The following ROBO2 variants were observed in gnomAD, a reference collection of about 807,000 sequenced individuals.
ROBO2 encodes the protein roundabout guidance receptor 2, also known as roundabout homolog 2.
A neutral mutation model predicts 160.8 loss-of-function variants in ROBO2; 53 were observed. The ratio of observed to expected loss-of-function variants is 0.33; its 90% confidence interval spans 0.26 to 0.41. The LOEUF (loss-of-function observed/expected upper bound fraction) is 0.41, where lower values mean the gene tolerates loss of function less well. Among genes scored for constraint, ROBO2 ranks in the 10% least tolerant of loss-of-function variants. The pLI is 1.00. For synonymous variants in ROBO2, 664 were observed against 611.7 expected, an observed-to-expected ratio of 1.09 and a Z score of -1.26; for missense variants, 1,577 against 1,722.4, an observed-to-expected ratio of 0.92 and a Z score of 1.49.
At chr3:76,788,888 A>T (rs967175435) in intron 2 of ROBO2, among the ~76,000 whole-genome samples, 12 of 151,604 alleles carry the variant, frequency 7.9e-5, no homozygotes, top group Non-Finnish European at 1.6e-4. Flanking sequence ...TTAGGGTTGA[A>T]CACTGATCCT....
At chr3:76,060,281 G>T (rs1231878018) in intron 2 of ROBO2, among the ~76,000 whole-genome samples, 1 of 139,212 alleles carries the variant, frequency 7.2e-6, no homozygotes, top group Non-Finnish European at 1.5e-5. Flanking sequence ...TTCACACAGA[G>T]ACCTGATTTT....
chr3:76,006,983 T>C (rs1395094440), intron 2 of ROBO2, among the ~76,000 whole-genome samples: 1 of 152,104 alleles, frequency 6.6e-6, no homozygotes, highest in African/African-American at 2.4e-5. Context: ...TATACTTATA[T>C]GTGTATTATA....
chr3:76,905,939 T>C (rs2075573641), intron 2 of ROBO2, among the ~76,000 whole-genome samples: 1 of 152,204 alleles, frequency 6.6e-6, no homozygotes, highest in South Asian at 2.1e-4. Context: ...TTAATGGCTT[T>C]ATTTTTCTCA....
chr3:76,055,123 A>C (rs2067791637), intron 2 of ROBO2, among the ~76,000 whole-genome samples: 1 of 152,268 alleles, frequency 6.6e-6, no homozygotes, highest in South Asian at 2.1e-4. Context: ...GGCAGGGAAG[A>C]GGGCATGTGC....
chr3:76,127,592 G>GAAAA lies in ROBO2; in HGVS notation c.109+189993_109+189996dup, dbSNP rs140905293. Among the ~76,000 whole-genome samples the GAAAA allele has an allele frequency of 9.8e-3, 1,238 of 126,568 alleles. 20 individuals are homozygous for GAAAA. Among genetic ancestry groups the GAAAA allele is most frequent in the African/African-American group, 0.029 (1,048 of 35,556 alleles). 83.0% of individuals were successfully genotyped at this position (126,568 alleles called of 152,430 possible). A position where few individuals can be genotyped will look rare whatever the true frequency, so the allele number is the denominator to read the frequency against. ...GCTGTGTGCTTTCTCTATATGGTTT[G>GAAAA]AAAAAATATATATATATATATACAT... On this transcript the variant is annotated intron_variant, in intron 2 of 26. Transcript: ENST00000487694.
At chr3:76,938,886 G>A (rs368029516) in intron 2 of ROBO2, among the ~76,000 whole-genome samples, 7 of 148,798 alleles carry the variant, frequency 4.7e-5, no homozygotes, top group East Asian at 2.0e-4. Flanking sequence ...CAGGAGAATC[G>A]CTTAAACCCA....
chr3:76,423,435 G>C (rs1213181597), intron 2 of ROBO2, among the ~76,000 whole-genome samples: 1 of 152,180 alleles, frequency 6.6e-6, no homozygotes, highest in Non-Finnish European at 1.5e-5. Flanking sequence ...AGACAACACG[G>C]AAAGAGAAAA....
At chr3:76,999,134 A>G (rs1172138560) in intron 2 of ROBO2, among the ~76,000 whole-genome samples, 2 of 151,778 alleles carry the variant, frequency 1.3e-5, no homozygotes, top group African/African-American at 2.4e-5. Context: ...TCAATTATCT[A>G]CTGAGAGAAG....
At chr3:77,026,684 A>G (rs2062986454) in intron 2 of ROBO2, among the ~76,000 whole-genome samples, 1 of 151,596 alleles carries the variant, frequency 6.6e-6, no homozygotes, top group Admixed American at 6.6e-5. Context: ...AGAAGTCACT[A>G]TTTCATCTGT....
chr3:76,604,326 T>C (rs2087471373), intron 2 of ROBO2, among the ~76,000 whole-genome samples: 1 of 152,122 alleles, frequency 6.6e-6, no homozygotes, highest in Non-Finnish European at 1.5e-5. Context: ...CTAAAAAGAT[T>C]TTCTTTGTAT....
chr3:76,592,623 G>T (rs2086484833), intron 2 of ROBO2, among the ~76,000 whole-genome samples: 4 of 151,898 alleles, frequency 2.6e-5, no homozygotes, highest in Non-Finnish European at 5.9e-5. Flanking sequence ...CTTGTCACTG[G>T]GTAACAAATT....
At chr3:76,580,328 G>GTTTTTTTTTTTTTTTTGTTT (rs748888426) in intron 2 of ROBO2, among the ~76,000 whole-genome samples, 1 of 67,324 alleles carries the variant, frequency 1.5e-5, no homozygotes, top group African/African-American at 7.1e-5. Context: ...TTTTTTTTTT[G>GTTTTTTTTTTTTTTTTGTTT]TTTTTTTTTT....
At chr3:77,339,692 T>G (rs2066859701) in intron 2 of ROBO2, among the ~76,000 whole-genome samples, 2 of 152,132 alleles carry the variant, frequency 1.3e-5, no homozygotes, top group African/African-American at 4.8e-5. Flanking sequence ...TTCATAGAAC[T>G]AAAACATACA....
At chr3:77,411,131 C>A (rs767800104) in intron 2 of ROBO2, among the ~76,000 whole-genome samples, 2 of 152,070 alleles carry the variant, frequency 1.3e-5, no homozygotes, top group Non-Finnish European at 2.9e-5. Context: ...CTCTTATAAG[C>A]ACAGAGCAGA....
At chr3:77,391,116 T>A (rs1207157556) in intron 2 of ROBO2, among the ~76,000 whole-genome samples, 3 of 151,978 alleles carry the variant, frequency 2.0e-5, no homozygotes, top group Non-Finnish European at 4.4e-5. Context: ...GTCTATGATT[T>A]TGGAGGAGAA....
chr3:77,558,335 T>C (rs1055817298), intron 9 of ROBO2, among the ~76,000 whole-genome samples, 186 bp downstream of exon 10: 4 of 152,116 alleles, frequency 2.6e-5, no homozygotes, highest in African/African-American at 9.6e-5. Flanking sequence ...AGTTTTTACG[T>C]TACTCACACA....
At chr3:75,944,416 G>T (rs1261576021) in intron 2 of ROBO2, among the ~76,000 whole-genome samples, 2 of 152,038 alleles carry the variant, frequency 1.3e-5, no homozygotes, top group Non-Finnish European at 2.9e-5. Flanking sequence ...TCAGCCTAAA[G>T]ACAAGCTCTG....
intron 2 of ROBO2, among the ~76,000 whole-genome samples, chr3:76,632,898 A>G (rs1278284497): frequency 6.6e-6 from 1 of 152,220 alleles, no homozygotes; most frequent in East Asian, 1.9e-4. Flanking sequence ...ACAATGAAAA[A>G]TGTGTTAATC....
At chr3:76,867,965 C>T (rs1018120892) in intron 2 of ROBO2, among the ~76,000 whole-genome samples, 3 of 152,120 alleles carry the variant, frequency 2.0e-5, no homozygotes, top group African/African-American at 7.2e-5. Flanking sequence ...AATGTTTTCT[C>T]CTGGCACTGA....
Sources: gnomAD v4.1 joint callset for allele counts (sites outside exome capture counted in the v4.1 genomes callset) on GRCh38, gnomAD v4.1.1 for gene constraint, MANE v1.5 for transcripts, NCBI Gene and HGNC (gene_info 2026-07-23, HGNC 2026-07-21) for gene names.